PCDHGA2: variants seen among roughly 807,000 people sequenced by gnomAD.
PCDHGA2 encodes protocadherin gamma-A2.
PCDHGA2 carries 40 observed loss-of-function variants against 59.2 expected under a neutral mutation model. That is an observed-to-expected ratio of 0.68 (90% CI 0.52 to 0.88). PCDHGA2 has a LOEUF of 0.88. Ranked by LOEUF, PCDHGA2 falls within the 40% of genes least tolerant of loss-of-function variation. The pLI, the probability that PCDHGA2 is intolerant of heterozygous loss-of-function variation, is 0.00. For synonymous variants in PCDHGA2, 560 were observed against 526.0 expected (o/e 1.06, Z -0.89); for missense variants, 1,226 against 1,204.0 (o/e 1.02, Z -0.27).
chr5:141,414,351 G>C (rs771256149), intron 1 of PCDHGA2: 2 of 1,613,676 alleles, frequency 1.2e-6, no homozygotes, highest in Non-Finnish European at 1.7e-6. Context: ...CCATTTTGGC[G>C]TATCTACCAT....
chr5:141,490,906 G>C lies in PCDHGA2; in HGVS notation c.2425-3901G>C. On this transcript the variant is annotated intron_variant, in intron 1 of 3. Transcript: ENST00000394576. The surrounding 1 kb of genome is among the most constrained non-coding windows in gnomAD (Gnocchi z 5.4). ...CACATCTCTGCATGTGTTTGTCCTA[G>C]ACGAGAATGATAATGCCCCAGCTGT... The C allele has an allele frequency of 1.9e-6, 3 of 1,613,798 alleles. No individual in the cohort carries two copies. The highest frequency in any genetic ancestry group is 2.5e-6 in the Non-Finnish European group (3 of 1,179,808).
At chr5:141,366,853 A>C in intron 1 of PCDHGA2, 1 of 1,431,818 alleles carries the variant, frequency 7.0e-7, no homozygotes, top group Non-Finnish European at 9.4e-7. Flanking sequence ...AAATAGTGGA[A>C]CATTATTTGC....
At chr5:141,460,848 C>A (rs528601988) in intron 1 of PCDHGA2, among the ~76,000 whole-genome samples, 1 of 150,236 alleles carries the variant, frequency 6.7e-6, no homozygotes, top group African/African-American at 2.4e-5. Context: ...GCCTCCAGTT[C>A]GATCCAAGTT....
At position 141,431,359 on chromosome 5, in the gene PCDHGA2, G is replaced by C; in HGVS notation, c.2425-63448G>C. ...CCGAATTGGTGCTGAAACGCGCCCT[G>C]GACCGCGAAGAAAAGGCTGCTCACC... On this transcript the variant is annotated intron_variant, in intron 1 of 3. Coordinates refer to ENST00000394576, the MANE Select transcript of PCDHGA2 (RefSeq NM_018915.4). This position sits in a 1 kb window ranked among gnomAD's most constrained non-coding sequence, Gnocchi z 4.8. The C allele has an allele frequency of 6.2e-7, 1 of 1,614,024 alleles. No homozygotes were observed. Among genetic ancestry groups the C allele is most frequent in the Non-Finnish European group, 8.5e-7 (1 of 1,180,030 alleles).
chr5:141,413,686 C>T, intron 1 of PCDHGA2: 4 of 1,613,812 alleles, frequency 2.5e-6, no homozygotes, highest in Non-Finnish European at 3.4e-6. Context: ...CGTGAACTCC[C>T]TGCAGAGCTA....
chr5:141,443,018 A>G (rs2098358800), intron 1 of PCDHGA2, among the ~76,000 whole-genome samples: 1 of 152,208 alleles, frequency 6.6e-6, no homozygotes, highest in Admixed American at 6.5e-5. Flanking sequence ...TGACTAATGG[A>G]AGTTGCCAGA....
chr5:141,374,384 C>A, intron 1 of PCDHGA2: 1 of 1,613,962 alleles, frequency 6.2e-7, no homozygotes, highest in East Asian at 2.2e-5. Flanking sequence ...TCAGAGCCCG[C>A]GGTGTCTGGT....
intron 1 of PCDHGA2, chr5:141,427,916 G>T: frequency 1.3e-6 from 2 of 1,578,854 alleles, no homozygotes; most frequent in East Asian, 2.2e-5. Flanking sequence ...GCGCCAACAT[G>T]AGCCGGCGCA....
chr5:141,340,471 C>A lies in PCDHGA2; in HGVS notation c.1500C>A (p.Pro500=). 1 of 1,614,234 alleles carries A rather than the reference C, an allele frequency of 6.2e-7. No homozygotes were observed. The highest frequency in any genetic ancestry group is 8.5e-7 in the Non-Finnish European group (1 of 1,180,034). ...CGGAGGACACTGTTCAGGGGGCACC[C>A]TTATCCTCTTACATCTCTATCAACT... ...SFAEDTVQGA[P]LSSYISINSD... Residue 500 remains proline, a synonymous_variant, in exon 1 of 4, where the codon CCC becomes CCA. Transcript: ENST00000394576.
intron 1 of PCDHGA2, chr5:141,383,593 G>C (rs893791654): frequency 5.6e-6 from 9 of 1,613,726 alleles, no homozygotes; most frequent in Admixed American, 1.7e-5. Flanking sequence ...CCAGGTGACA[G>C]TGGTGGATGT....
intron 1 of PCDHGA2, chr5:141,377,824 A>G (rs1774374957): frequency 6.6e-6 from 1 of 152,212 alleles, no homozygotes; most frequent in Admixed American, 6.5e-5. Context: ...TGGGCCAGTT[A>G]CAATCGCCAT....
At chr5:141,380,405 G>A (rs1258156706) in intron 1 of PCDHGA2, among the ~76,000 whole-genome samples, 2 of 152,114 alleles carry the variant, frequency 1.3e-5, no homozygotes, top group African/African-American at 4.8e-5. Flanking sequence ...TAATCAATTC[G>A]ATGCCCAGGA....
At chr5:141,499,021 GAAGGAAGA>G (rs1193940810) in intron 2 of PCDHGA2, among the ~76,000 whole-genome samples, 2 of 140,162 alleles carry the variant, frequency 1.4e-5, no homozygotes, top group East Asian at 2.1e-4. Flanking sequence ...AGGAAGGAAG[GAAGGAAGA>G]AAAGAAAGAA....
At chr5:141,446,767 G>T (rs891355909) in intron 1 of PCDHGA2, among the ~76,000 whole-genome samples, 1 of 152,118 alleles carries the variant, frequency 6.6e-6, no homozygotes, top group African/African-American at 2.4e-5. Flanking sequence ...GCGCCCAGCC[G>T]GTTACCATTC....
rs369227893 is a variant in PCDHGA2, at chr5:141,419,063, T to A, written c.2425-75744T>A. 47 of 1,613,840 alleles carry A rather than the reference T, an allele frequency of 2.9e-5. No homozygotes were observed. The highest frequency in any genetic ancestry group is 4.0e-5 in the Non-Finnish European group (47 of 1,179,904). On this transcript the variant is annotated intron_variant, in intron 1 of 3. Coordinates refer to ENST00000394576, the MANE Select transcript of PCDHGA2 (RefSeq NM_018915.4). ...GATTCATTCTTCTTCTAATAATTACTACAAGCTAGTAACAGATGAGGCCCT... is the reference window on the plus strand; with the variant it reads ...GATTCATTCTTCTTCTAATAATTACAACAAGCTAGTAACAGATGAGGCCCT...
chr5:141,433,232 C>T (rs1344380820), intron 1 of PCDHGA2: 1 of 1,516,488 alleles, frequency 6.6e-7, no homozygotes, highest in Admixed American at 1.9e-5. Flanking sequence ...ATTGCTCTGT[C>T]TCCCAAGCTG....
At chr5:141,461,740 G>A (rs770518286) in intron 1 of PCDHGA2, among the ~76,000 whole-genome samples, 4 of 152,072 alleles carry the variant, frequency 2.6e-5, no homozygotes, top group Non-Finnish European at 2.9e-5. Context: ...GCACAATCCC[G>A]GCTCCCAGAT....
chr5:141,431,333 C>G lies in PCDHGA2; in HGVS notation c.2425-63474C>G. 1.2e-6 allele frequency: 2 copies of G among 1,614,058 alleles called. No individual in the cohort carries two copies. The highest frequency in any genetic ancestry group is 2.2e-5 in the South Asian group (2 of 91,088). Reference sequence around the variant, plus strand: ...AAATGGAGCCGACGGTAGTAAGTACCCCGAATTGGTGCTGAAACGCGCCCT... The same window carrying G: ...AAATGGAGCCGACGGTAGTAAGTACGCCGAATTGGTGCTGAAACGCGCCCT... On this transcript the variant is annotated intron_variant, in intron 1 of 3. Coordinates refer to ENST00000394576, the MANE Select transcript of PCDHGA2 (RefSeq NM_018915.4). The surrounding 1 kb of genome is among the most constrained non-coding windows in gnomAD (Gnocchi z 4.8).
chr5:141,394,060 C>G, intron 1 of PCDHGA2: 8 of 1,613,780 alleles, frequency 5.0e-6, no homozygotes, highest in Non-Finnish European at 5.9e-6. Context: ...GAAAATGTCT[C>G]TATCTACAAT....
Sources: gnomAD v4.1 joint callset for allele counts (sites outside exome capture counted in the v4.1 genomes callset) on GRCh38, gnomAD v4.1.1 for gene constraint, Gnocchi (gnomAD v3.1) non-coding constraint, MANE v1.5 for transcripts, NCBI Gene and HGNC (gene_info 2026-07-23, HGNC 2026-07-21) for gene names.